DMD: variants seen among roughly 807,000 people sequenced by gnomAD.
DMD encodes dystrophin.
DMD carries 63 observed loss-of-function variants against 330.1 expected under a neutral mutation model. That is an observed-to-expected ratio of 0.19 (90% CI 0.16 to 0.24). The LOEUF (loss-of-function observed/expected upper bound fraction) is 0.24. Among genes scored for constraint, DMD ranks in the 10% least tolerant of loss-of-function variants. The pLI is 1.00. For missense variants in DMD, 3,344 were observed against 2,684.1 expected, an observed-to-expected ratio of 1.25 and a Z score of -5.43; for synonymous variants, 1,223 against 959.8, an observed-to-expected ratio of 1.27 and a Z score of -5.07.
chrX:32,773,467 T>C (rs1342482887), intron 7 of DMD, among the ~76,000 whole-genome samples: 1 of 110,243 alleles, frequency 9.1e-6, no homozygotes, highest in Non-Finnish European at 1.9e-5. Context: ...CACTCTAGGG[T>C]GCTACCAAAC....
chrX:33,026,313 C>CAA lies in DMD; in HGVS notation c.32-6115_32-6114dup, dbSNP rs56794668. ...CTGGGGGACAGAGGAGACTCCGTCT[C>CAA]AAAAAAAAAAAAAAAAAAAAAAAAA... On this transcript the variant is annotated intron_variant, in intron 1 of 78. Coordinates refer to ENST00000357033, the MANE Select transcript of DMD (RefSeq NM_004006.3). Among the ~76,000 whole-genome samples, 306 of 32,764 alleles carry CAA rather than the reference C, an allele frequency of 9.3e-3. 54 individuals are homozygous for CAA. The highest frequency in any genetic ancestry group is 0.011 in the Non-Finnish European group (206 of 18,859). 28.5% of individuals were successfully genotyped at this position (32,764 alleles called of 115,157 possible).
intron 7 of DMD, among the ~76,000 whole-genome samples, chrX:32,709,686 C>T (rs1420195282): frequency 9.0e-6 from 1 of 111,666 alleles, no homozygotes; most frequent in African/African-American, 3.3e-5. Context: ...GATTCATTCT[C>T]ACCCATTAGG....
chrX:31,842,865 G>T (rs1324543163), intron 48 of DMD, among the ~76,000 whole-genome samples: 1 of 110,997 alleles, frequency 9.0e-6, no homozygotes. Flanking sequence ...TTCAACTCTT[G>T]CCCCTTCCTT....
At chrX:33,245,796 G>A (rs1465948287) in intron 1 of DMD, among the ~76,000 whole-genome samples, 3 of 112,038 alleles carry the variant, frequency 2.7e-5, no homozygotes, top group Non-Finnish European at 5.6e-5. Context: ...TTGCTAAACT[G>A]AACATATTTT....
intron 2 of DMD, among the ~76,000 whole-genome samples, chrX:32,980,195 G>A (rs1332372962): frequency 9.3e-6 from 1 of 107,664 alleles, no homozygotes; most frequent in Non-Finnish European, 1.9e-5. Flanking sequence ...GTGAAACTCC[G>A]TCTCTACTAA....
At chrX:33,122,787 C>T (rs2095432864) in intron 1 of DMD, among the ~76,000 whole-genome samples, 1 of 111,807 alleles carries the variant, frequency 8.9e-6, no homozygotes, top group African/African-American at 3.2e-5. Flanking sequence ...GGACCTCCCT[C>T]TAAACCTTCC....
intron 57 of DMD, among the ~76,000 whole-genome samples, chrX:31,494,830 AATCTC>A (rs1348868328): frequency 8.9e-6 from 1 of 112,128 alleles, no homozygotes; most frequent in Non-Finnish European, 1.9e-5. Flanking sequence ...ATATGACTAG[AATCTC>A]AGTCTCCTGA....
intron 74 of DMD, among the ~76,000 whole-genome samples, chrX:31,149,900 C>T (rs945478434): frequency 9.0e-6 from 1 of 111,585 alleles, no homozygotes; most frequent in African/African-American, 3.3e-5. Flanking sequence ...AATTTAATTG[C>T]GTTTCAATCA....
intron 20 of DMD, among the ~76,000 whole-genome samples, chrX:32,489,962 C>T (rs2042841128): frequency 8.9e-6 from 1 of 112,045 alleles, no homozygotes; most frequent in African/African-American, 3.2e-5. Context: ...AGTATACTTT[C>T]TGAGTTTATT....
chrX:32,396,953 G>T (rs1431160911), intron 30 of DMD, among the ~76,000 whole-genome samples: 1 of 111,419 alleles, frequency 9.0e-6, no homozygotes, highest in East Asian at 2.8e-4. Context: ...CAGGCTTATT[G>T]TGAAATAGAA....
rs373410810 is a variant in DMD at position 32,485,132 on chromosome X, G to A, written c.2623-33C>T. On this transcript the variant is annotated intron_variant, in intron 20 of 78. Transcript: ENST00000357033. The stretch of plus-strand genomic sequence containing the variant: ...ATAGAGTATGGAAAGTAAGTAACAC[G>A]TTTACTTTGCATACATTACATTTTG... 8.7e-5 allele frequency: 102 copies of A among 1,176,225 alleles called. No homozygotes were observed. The African/African-American group carries it at 1.4e-3, about 16-fold the overall frequency.
intron 50 of DMD, among the ~76,000 whole-genome samples, chrX:31,776,942 A>C (rs1220626235): frequency 8.9e-6 from 1 of 111,869 alleles, no homozygotes; most frequent in Non-Finnish European, 1.9e-5. Context: ...TCTCTTCTCC[A>C]GCATGCACCA....
chrX:32,666,943 A>C (rs2061341678), intron 9 of DMD, among the ~76,000 whole-genome samples: 1 of 111,301 alleles, frequency 9.0e-6, no homozygotes, highest in South Asian at 3.8e-4. Context: ...GGAAAAAATA[A>C]CACAACCTTG....
At chrX:32,119,605 T>G (rs2096626160) in intron 44 of DMD, among the ~76,000 whole-genome samples, 1 of 111,290 alleles carries the variant, frequency 9.0e-6, no homozygotes, top group Non-Finnish European at 1.9e-5. Context: ...AACTAGGATC[T>G]CCGGTGTACC....
chrX:33,026,313 C>CAAAAAAA (rs56794668), intron 1 of DMD, among the ~76,000 whole-genome samples: 43 of 32,774 alleles, frequency 1.3e-3, no homozygotes, highest in Non-Finnish European at 1.4e-3. Flanking sequence ...GACTCCGTCT[C>CAAAAAAA]AAAAAAAAAA....
chrX:32,898,018 T>C (rs1445193611), intron 2 of DMD, among the ~76,000 whole-genome samples: 2 of 112,360 alleles, frequency 1.8e-5, no homozygotes, highest in Admixed American at 1.9e-4. Context: ...ATAAAATTGC[T>C]TTGAAGGATA....
chrX:32,859,510 C>T (rs1326661225), intron 2 of DMD, among the ~76,000 whole-genome samples: 3 of 90,094 alleles, frequency 3.3e-5, no homozygotes, highest in African/African-American at 1.2e-4. Context: ...CACACACACA[C>T]AAGTTAAAGT....
chrX:31,729,646 T>C lies in DMD; in HGVS notation c.7645A>G (p.Ile2549Val), dbSNP rs1006232878. 8.3e-7 allele frequency: 1 copy of C among 1,210,190 alleles called. No individual in the cohort carries two copies. The highest frequency in any genetic ancestry group is 1.1e-6 in the Non-Finnish European group (1 of 893,952). The stretch of plus-strand genomic sequence containing the variant: ...AAAAACTTACTTCGATCCGTAATGA[T>C]TGTTCTAGCCTCTTGATTGCTGGTC... ...NKTSNQEART[I>V]ITDRIERIQN... is the part of the protein sequence containing the mutation. The change falls in exon 52 of 79, where the codon ATC (isoleucine) becomes GTC (valine). Residue 2549 changes from isoleucine (I) to valine (V), a missense_variant. Coordinates refer to ENST00000357033, the MANE Select transcript of DMD (RefSeq NM_004006.3).
At chrX:31,795,260 T>C (rs1033571595) in intron 50 of DMD, among the ~76,000 whole-genome samples, 4 of 112,370 alleles carry the variant, frequency 3.6e-5, no homozygotes, top group South Asian at 3.6e-4. Flanking sequence ...AACCAGCTTA[T>C]GAAACCATTC....
Sources: allele counts gnomAD v4.1 joint callset (sites outside exome capture counted in the v4.1 genomes callset), GRCh38; gene constraint gnomAD v4.1.1; transcripts MANE v1.5; gene names NCBI Gene and HGNC (gene_info 2026-07-23, HGNC 2026-07-21).